Variants in TRPA1 observed in about 807,000 individuals in gnomAD.
TRPA1 encodes ankyrin-like with transmembrane domains 1.
TRPA1 carries 129 observed loss-of-function variants against 131.3 expected under a neutral mutation model. The observed-to-expected ratio is 0.98, with a 90% confidence interval of 0.85 to 1.14. The LOEUF is 1.14. TRPA1 is among the 50% of genes most tolerant of loss of function. TRPA1 has a pLI of 0.00. For missense variants in TRPA1, 1,304 were observed against 1,354.2 expected (o/e 0.96, Z 0.58); for synonymous variants, 441 against 451.7 (o/e 0.98, Z 0.30).
In TRPA1 at chr8:72,022,911, G is replaced by C. The variant is rs1397184508; in HGVS notation, c.3355C>G (p.Pro1119Ala). 2 of 1,613,544 alleles carry C rather than the reference G, an allele frequency of 1.2e-6. No homozygotes were observed. Among genetic ancestry groups the C allele is most frequent in the East Asian group, 2.2e-5 (1 of 44,858 alleles). Residue 1119 changes from proline to alanine, a missense_variant, in exon 27 of 27, where the codon CCT (proline) becomes GCT (alanine). Transcript: ENST00000262209. The stretch of plus-strand genomic sequence containing the variant: ...CTCACTGAAGGTCTGAGGAGCTAAG[G>C]CTCAAGATGGTGTGTTTTTGCCTTG... ...AVKAKTHHLE[P>A] is the part of the protein sequence containing the mutation.
chr8:72,043,357 G>A (rs553259632), intron 17 of TRPA1, among the ~76,000 whole-genome samples: 29 of 151,576 alleles, frequency 1.9e-4, no homozygotes, highest in Non-Finnish European at 4.0e-4. Context: ...ATTCAACACA[G>A]CCTAGAAACA....
the TRPA1 span, among the ~76,000 whole-genome samples, chr8:72,087,913 G>A: frequency 3.3e-5 from 5 of 152,170 alleles, no homozygotes; most frequent in Admixed American, 2.6e-4. Context: ...GTGCCGCTAG[G>A]AGGGCAGCTC....
intron 12 of TRPA1, 93 bp from the exon 13 acceptor site, chr8:72,053,960 A>G (rs2129435351): frequency 1.2e-6 from 1 of 836,576 alleles, no homozygotes; most frequent in East Asian, 2.6e-5. Context: ...AAATCTGATG[A>G]CAACAAAAAG....
rs1324701077 is a variant in TRPA1 at position 72,057,819 on chromosome 8, A to G, written c.994-3T>C. 1.2e-6 allele frequency: 2 copies of G among 1,608,308 alleles called. No individual in the cohort carries two copies. Among genetic ancestry groups the G allele is most frequent in the East Asian group, 4.5e-5 (2 of 44,814 alleles). On this transcript the variant is annotated splice_region_variant and splice_polypyrimidine_tract_variant and intron_variant, in intron 8 of 26. Transcript: ENST00000262209. Reference sequence around the variant, plus strand: ...TCGATCTTATTAATATCTGCTCCCTAAAAATCAAACAAACCATTCAACAAA... The same window carrying G: ...TCGATCTTATTAATATCTGCTCCCTGAAAATCAAACAAACCATTCAACAAA...
chr8:72,061,810 A>C (rs774665415), intron 6 of TRPA1, 49 bp from the exon 7 acceptor site: 3 of 1,597,426 alleles, frequency 1.9e-6, no homozygotes. Context: ...TCAATGAAAG[A>C]ATATAACTTA....
At position 72,038,975 on chromosome 8, in the gene TRPA1, C is replaced by T. The variant is rs766560261; in HGVS notation, c.2185G>A (p.Gly729Ser). Residue 729 changes from glycine (G) to serine (S), a missense_variant, in exon 19 of 27, where the codon GGT becomes AGT. Physicochemically the swap from Gly to Ser is moderately conservative, Grantham distance 56 (BLOSUM62 0). Coordinates refer to ENST00000262209, the MANE Select transcript of TRPA1 (RefSeq NM_007332.3). ...HMMNLGSYCL[G>S]LIPMTILVVN... ...ACGAGAATGGTCATAGGTATGAGAC[C>T]AAGACAGTAAGATCCTAAATTCATC... is the stretch of plus-strand genomic sequence containing the variant. 6.2e-7 allele frequency: 1 copy of T among 1,612,756 alleles called. No homozygotes were observed. The highest frequency in any genetic ancestry group is 8.5e-7 in the Non-Finnish European group (1 of 1,179,344).
chr8:72,067,677 T>G (rs1805963399), intron 3 of TRPA1, among the ~76,000 whole-genome samples: 1 of 152,190 alleles, frequency 6.6e-6, no homozygotes, highest in East Asian at 1.9e-4. Flanking sequence ...CAGAGCTCCA[T>G]GAGGAAATAT....
upstream of TRPA1, among the ~76,000 whole-genome samples, chr8:72,080,267 A>G (rs1361230110): frequency 6.6e-6 from 1 of 151,832 alleles, no homozygotes; most frequent in Non-Finnish European, 1.5e-5. Context: ...ATATGACATT[A>G]AAGTAGGATT....
chr8:72,053,643 G>T (rs983098838), intron 13 of TRPA1, 110 bp downstream of exon 13: 27 of 801,558 alleles, frequency 3.4e-5, no homozygotes, highest in Middle Eastern at 3.4e-4. Flanking sequence ...CCAACAAAAG[G>T]CTGGGAATAG....
intron 1 of TRPA1, among the ~76,000 whole-genome samples, chr8:72,074,911 A>T (rs1276845026): frequency 3.3e-5 from 5 of 152,206 alleles, no homozygotes; most frequent in Non-Finnish European, 7.3e-5. Context: ...TTATCCAACG[A>T]CTACCAGATA....
chr8:72,037,580 A>G (rs937237227), intron 20 of TRPA1, among the ~76,000 whole-genome samples: 6 of 152,154 alleles, frequency 3.9e-5, no homozygotes, highest in African/African-American at 1.2e-4. Flanking sequence ...AGGAATTCAA[A>G]GAAAGACCCA....
At chr8:72,045,386 G>C (rs1812393615) in intron 17 of TRPA1, among the ~76,000 whole-genome samples, 1 of 151,594 alleles carries the variant, frequency 6.6e-6, no homozygotes, top group Admixed American at 6.6e-5. Flanking sequence ...TCGTCTAATA[G>C]AACTTTCTGC....
intron 21 of TRPA1, among the ~76,000 whole-genome samples, chr8:72,036,005 C>CAAAAAAA (rs58197251): frequency 2.2e-4 from 10 of 44,944 alleles, no homozygotes; most frequent in East Asian, 7.2e-4. Flanking sequence ...TCCCCCTCCA[C>CAAAAAAA]AAAAAAAAAA....
At chr8:72,070,130 A>C (rs7010969) in intron 2 of TRPA1, among the ~76,000 whole-genome samples, 104,813 of 152,144 alleles carry the variant, frequency 0.69, 37,118 homozygotes, top group East Asian at 0.98. Context: ...TCTGCTTTAT[A>C]AGCCTTGTAA....
the TRPA1 span, among the ~76,000 whole-genome samples, chr8:72,083,911 A>C: frequency 6.6e-6 from 1 of 152,280 alleles, no homozygotes; most frequent in Admixed American, 6.5e-5. Context: ...CATTATCTAC[A>C]TGAATGTGTA....
chr8:72,052,965 CTG>C (rs57129422), intron 13 of TRPA1, 200 bp from the exon 14 acceptor site: 16,846 of 316,796 alleles, frequency 0.053, 223 homozygotes, highest in African/African-American at 0.076. Context: ...GGAAGTGGAT[CTG>C]TGTGTGTGTG....
chr8:72,080,802 CT>C, the TRPA1 span, among the ~76,000 whole-genome samples: 1 of 151,702 alleles, frequency 6.6e-6, no homozygotes, highest in South Asian at 2.1e-4. Context: ...TCCATTTAAT[CT>C]AAGTTGTCTA....
chr8:72,046,234 A>G (rs1812427690), intron 17 of TRPA1, among the ~76,000 whole-genome samples: 1 of 152,056 alleles, frequency 6.6e-6, no homozygotes, highest in Non-Finnish European at 1.5e-5. Context: ...TTTCTTTATT[A>G]ACAAATAAAG....
At chr8:72,038,136 A>T in intron 19 of TRPA1, 64 bp from the exon 20 acceptor site, 1 of 835,562 alleles carries the variant, frequency 1.2e-6, no homozygotes. Context: ...CATTTCCATA[A>T]TTTTCACTAT....
Sources: gnomAD v4.1 joint callset for allele counts (sites outside exome capture counted in the v4.1 genomes callset) on GRCh38, gnomAD v4.1.1 for gene constraint, MANE v1.5 for transcripts, NCBI Gene and HGNC (gene_info 2026-07-23, HGNC 2026-07-21) for gene names.